RIPOR1: variants seen among roughly 807,000 people sequenced by gnomAD.
RIPOR1 encodes RHO family interacting cell polarization regulator 1.
A neutral mutation model predicts 116.5 loss-of-function variants in RIPOR1; 58 were observed. The ratio of observed to expected loss-of-function variants is 0.50; its 90% CI spans 0.40 to 0.62. The LOEUF (loss-of-function observed/expected upper bound fraction) is 0.62. Among genes scored for constraint, RIPOR1 ranks in the 20% least tolerant of loss-of-function variants. RIPOR1 has a pLI of 0.00. For missense variants in RIPOR1, 1,372 were observed against 1,586.2 expected (o/e 0.86, Z 2.29); for synonymous variants, 605 against 650.0 (o/e 0.93, Z 1.05).
intron 1 of RIPOR1, among the ~76,000 whole-genome samples, chr16:67,534,192 G>A (rs771833170): frequency 1.1e-4 from 17 of 150,954 alleles, no homozygotes; most frequent in Non-Finnish European, 1.3e-4. Flanking sequence ...GTAGTGCAGC[G>A]CGACCTCAGC....
At chr16:67,533,157 G>C (rs1416992390) in intron 1 of RIPOR1, among the ~76,000 whole-genome samples, 3 of 152,178 alleles carry the variant, frequency 2.0e-5, no homozygotes, top group African/African-American at 7.2e-5. Flanking sequence ...GGGGTACATA[G>C]ATGGTGGAGT....
At chr16:67,533,974 ATTTTTT>A (rs767462361) in intron 1 of RIPOR1, among the ~76,000 whole-genome samples, 3 of 123,422 alleles carry the variant, frequency 2.4e-5, no homozygotes, top group African/African-American at 9.7e-5. Flanking sequence ...CGCCCGGCTA[ATTTTTT>A]TTTTTTTTTT....
In RIPOR1 at chr16:67,540,106, C is replaced by T; in HGVS notation, c.468C>T (p.Ala156=). 6.2e-7 allele frequency: 1 copy of T among 1,614,192 alleles called. No individual in the cohort carries two copies. Residue 156 remains alanine (A), a synonymous_variant, in exon 7 of 22, where the codon GCC becomes GCT. Transcript: ENST00000042381. This position sits in a 1 kb window ranked among gnomAD's most constrained non-coding sequence, Gnocchi z 4.7. ...YCVQRRLRDG[A]YNMVRAYTTG... The stretch of plus-strand genomic sequence containing the variant: ...TCCAGCGGCGTCTCCGGGATGGTGC[C>T]TACAACATGGTCCGTGCCTACACCA...
At chr16:67,523,834 T>C (rs2050518371), upstream of RIPOR1, among the ~76,000 whole-genome samples, 1 of 152,006 alleles carries the variant, frequency 6.6e-6, no homozygotes, top group Non-Finnish European at 1.5e-5. Context: ...TGCGCCACCA[T>C]GGCGTGCTCA....
chr16:67,525,593 G>A (rs1399209730), upstream of RIPOR1, among the ~76,000 whole-genome samples: 1 of 152,088 alleles, frequency 6.6e-6, no homozygotes, highest in Non-Finnish European at 1.5e-5. Context: ...GGAACTAGCA[G>A]TGCCGTGTGT....
chr16:67,544,956 T>TG lies in RIPOR1; in HGVS notation c.2872dup (p.Val958GlyfsTer52), dbSNP rs2051118753. 6.2e-7 allele frequency: 1 copy of TG among 1,612,096 alleles called. No homozygotes were observed. The highest frequency in any genetic ancestry group is 8.5e-7 in the Non-Finnish European group (1 of 1,179,932). ...GACGGTTTCCCTCACCCCCTCACAG[T>TG]GGTGCAGTTCTCGGCCTCTCGGCCT... On this transcript the variant is annotated frameshift_variant and splice_region_variant, in exon 17 of 22. Coordinates refer to ENST00000042381, the MANE Select transcript of RIPOR1 (RefSeq NM_024519.4). LOFTEE classifies it high-confidence loss of function. The surrounding 1 kb of genome is among the most constrained non-coding windows in gnomAD (Gnocchi z 5.1).
Position 67,540,458 on chromosome 16 carries a change from G to C in RIPOR1, c.632G>C (p.Gly211Ala). The change falls in exon 9 of 22, where the codon GGG (glycine) becomes GCG (alanine). Residue 211 changes from glycine (G) to alanine (A), a missense_variant and splice_region_variant. Gly to Ala is a moderately conservative substitution (Grantham distance 60, BLOSUM62 0). Around this residue, in one of 3 missense-constraint regions of RIPOR1, gnomAD observed 202 missense variants for 295.9 expected, o/e 0.68. Transcript: ENST00000042381. The surrounding 1 kb of genome is among the most constrained non-coding windows in gnomAD (Gnocchi z 4.7). ...QLGEFHLRMKGLAGFARLCVG... is the reference protein window; with the variant it reads ...QLGEFHLRMKALAGFARLCVG... The stretch of plus-strand genomic sequence containing the variant: ...CTTCTCCCCTTCTCCTCCAACTCAG[G>C]GCTGGCTGGCTTCGCCAGGCTGTGT... 1 of 1,614,158 alleles carries C rather than the reference G, an allele frequency of 6.2e-7. No homozygotes were observed. Among genetic ancestry groups the C allele is most frequent in the Non-Finnish European group, 8.5e-7 (1 of 1,180,000 alleles).
chr16:67,532,359 G>A (rs965389412), intron 1 of RIPOR1, among the ~76,000 whole-genome samples: 13 of 151,398 alleles, frequency 8.6e-5, no homozygotes, highest in Middle Eastern at 3.2e-3. Flanking sequence ...AGCTATGAAC[G>A]CACCACTGCA....
At position 67,543,291 on chromosome 16, in the gene RIPOR1, C is replaced by T; in HGVS notation, c.2478+27C>T. On this transcript the variant is annotated intron_variant, in intron 13 of 21. Transcript: ENST00000042381. This position sits in a 1 kb window ranked among gnomAD's most constrained non-coding sequence, Gnocchi z 4.7. ...TGAGGAGGGCTGGGCTGGGCTAGGG[C>T]AACCAGGGAGGGCAGCCAGGGGGCG... The T allele has an allele frequency of 6.2e-7, 1 of 1,604,694 alleles. No individual in the cohort carries two copies. The highest frequency in any genetic ancestry group is 1.3e-5 in the African/African-American group (1 of 74,982).
chr16:67,538,656 A>G lies in RIPOR1; in HGVS notation c.105-16A>G. ...GACTCCTGCTCTCCTCTTTCTGAGG[A>G]CAGCCTCTCCTTCAGGAGTTTCCCG... On this transcript the variant is annotated splice_polypyrimidine_tract_variant and intron_variant, in intron 2 of 21. Coordinates refer to ENST00000042381, the MANE Select transcript of RIPOR1 (RefSeq NM_024519.4). 6.2e-7 allele frequency: 1 copy of G among 1,611,768 alleles called. No homozygotes were observed. Among genetic ancestry groups the G allele is most frequent in the Non-Finnish European group, 8.5e-7 (1 of 1,179,186 alleles).
At chr16:67,525,969 G>A (rs1452553657), upstream of RIPOR1, among the ~76,000 whole-genome samples, 2 of 152,140 alleles carry the variant, frequency 1.3e-5, no homozygotes, top group Non-Finnish European at 2.9e-5. Context: ...CTCACCAATT[G>A]TTAGGGAGAG....
upstream of RIPOR1, among the ~76,000 whole-genome samples, chr16:67,524,527 T>A (rs1450069393): frequency 2.6e-5 from 4 of 152,180 alleles, no homozygotes. Flanking sequence ...CCTGTCCAGC[T>A]GCCTTCTGGA....
In RIPOR1 at chr16:67,540,443, TCTC is replaced by T. The variant is rs573886629; in HGVS notation, c.632-10_632-8del. 3.8e-4 allele frequency: 614 copies of T among 1,614,116 alleles called. 5 individuals carry two copies. The South Asian group carries it at 6.2e-3, about 16-fold the overall frequency. ...AATATGGCTCACCGACTTCTCCCCTTCTCCTCCAACTCAGGGCTGGCTGGCTTC... is the reference window on the plus strand; with the variant it reads ...AATATGGCTCACCGACTTCTCCCCTTCTCCAACTCAGGGCTGGCTGGCTTC... On this transcript the variant is annotated splice_polypyrimidine_tract_variant and intron_variant, in intron 8 of 21. Coordinates refer to ENST00000042381, the MANE Select transcript of RIPOR1 (RefSeq NM_024519.4). This position sits in a 1 kb window ranked among gnomAD's most constrained non-coding sequence, Gnocchi z 4.7.
At chr16:67,539,814 C>T in intron 5 of RIPOR1, 32 bp from the exon 6 acceptor site, 1 of 1,614,196 alleles carries the variant, frequency 6.2e-7, no homozygotes, top group Non-Finnish European at 8.5e-7. Flanking sequence ...GACCCTGGGC[C>T]TCAGGCCCCT....
chr16:67,544,188 C>A lies in RIPOR1; in HGVS notation c.2601-111C>A. 7.3e-7 allele frequency: 1 copy of A among 1,378,462 alleles called. No individual in the cohort carries two copies. The highest frequency in any genetic ancestry group is 9.9e-7 in the Non-Finnish European group (1 of 1,010,584). The allele number at this position is 1,378,462 out of a possible 1,614,324, so 85.4% of individuals were successfully genotyped here. A position where few individuals can be genotyped will look rare whatever the true frequency, so the allele number is the denominator to read the frequency against. ...ATGAACTTACCCCACTGTCTGCTGTCGGTGCATCATCTTCTTCCTTTCTGG... is the reference window on the plus strand; with the variant it reads ...ATGAACTTACCCCACTGTCTGCTGTAGGTGCATCATCTTCTTCCTTTCTGG... On this transcript the variant is annotated intron_variant, in intron 14 of 21. Coordinates refer to ENST00000042381, the MANE Select transcript of RIPOR1 (RefSeq NM_024519.4). The surrounding 1 kb of genome is among the most constrained non-coding windows in gnomAD (Gnocchi z 5.1).
chr16:67,537,585 AC>A lies in RIPOR1; in HGVS notation c.-23-837del. On this transcript the variant is annotated intron_variant, in intron 1 of 21. Coordinates refer to ENST00000042381, the MANE Select transcript of RIPOR1 (RefSeq NM_024519.4). This position sits in a 1 kb window ranked among gnomAD's most constrained non-coding sequence, Gnocchi z 4.6. ...GGGCCGTCCCGGACCCACCATGAACACCAAGAAGAGAGGTAGGACCCAGCTC... is the reference window on the plus strand; with the variant it reads ...GGGCCGTCCCGGACCCACCATGAACACAAGAAGAGAGGTAGGACCCAGCTC... 1 of 1,421,232 alleles carries A rather than the reference AC, an allele frequency of 7.0e-7. No individual in the cohort carries two copies. Among genetic ancestry groups the A allele is most frequent in the Non-Finnish European group, 9.2e-7 (1 of 1,086,610 alleles). 88.0% of individuals were successfully genotyped at this position (1,421,232 alleles called of 1,614,324 possible).
chr16:67,520,064 A>G (rs1597608678), intron 1 of RIPOR1, among the ~76,000 whole-genome samples: 1 of 109,632 alleles, frequency 9.1e-6, no homozygotes, highest in African/African-American at 6.9e-5. Flanking sequence ...CTCCGTCTCA[A>G]AAAAAAAAAA....
At chr16:67,525,457 C>G (rs1046959249), upstream of RIPOR1, among the ~76,000 whole-genome samples, 2 of 151,910 alleles carry the variant, frequency 1.3e-5, no homozygotes, top group Admixed American at 1.3e-4. Flanking sequence ...TATCTGTTCA[C>G]AGAAAGCTGG....
At chr16:67,539,940 GA>G in intron 6 of RIPOR1, 41 bp downstream of exon 6, 2 of 1,614,026 alleles carry the variant, frequency 1.2e-6, no homozygotes, top group Non-Finnish European at 1.7e-6. Context: ...TGGGGGGTTG[GA>G]TATCATAGGG....
Sources: gnomAD v4.1 joint callset for allele counts (sites outside exome capture counted in the v4.1 genomes callset) on GRCh38, gnomAD v4.1.1 for gene constraint, gnomAD v4.1.1 regional missense constraint, Gnocchi (gnomAD v3.1) non-coding constraint, MANE v1.5 for transcripts, NCBI Gene and HGNC (gene_info 2026-07-23, HGNC 2026-07-21) for gene names.